TRAPPC9: variants seen among roughly 807,000 people sequenced by gnomAD.
TRAPPC9 encodes trafficking protein particle complex subunit 9, also known as IKK2 binding protein.
In TRAPPC9, 83 loss-of-function variants were observed where a neutral mutation model predicts 124.0. The ratio of observed to expected loss-of-function variants is 0.67; its 90% CI spans 0.56 to 0.80. The LOEUF (loss-of-function observed/expected upper bound fraction) is 0.80, where lower values mean the gene tolerates loss of function less well. Ranked by LOEUF, TRAPPC9 falls within the 30% of genes least tolerant of loss-of-function variation. The probability of loss-of-function intolerance (pLI) is 0.00; values close to 1 mark genes in which losing one functional copy is unlikely to be tolerated. For synonymous variants in TRAPPC9, 638 were observed against 617.5 expected (o/e 1.03, Z -0.49); for missense variants, 1,302 against 1,508.3 (o/e 0.86, Z 2.27).
intron 19 of TRAPPC9, among the ~76,000 whole-genome samples, chr8:139,974,750 C>A (rs2665951): frequency 0.77 from 117,321 of 151,804 alleles, 46,313 homozygotes; most frequent in East Asian, 0.92. Flanking sequence ...TCAGCTCCTA[C>A]AGGGCTCCAT....
intron 21 of TRAPPC9, among the ~76,000 whole-genome samples, chr8:139,829,231 C>T (rs542293391): frequency 1.7e-4 from 26 of 152,364 alleles, no homozygotes; most frequent in African/African-American, 5.5e-4. Flanking sequence ...GCTCTCTCTT[C>T]GCTCTACGAA....
chr8:140,302,679 A>ACT (rs1356263743), intron 10 of TRAPPC9: 1 of 152,072 alleles, frequency 6.6e-6, no homozygotes, highest in Non-Finnish European at 1.5e-5. Context: ...GTCAACAACC[A>ACT]CTCACCTTTT....
At chr8:139,949,197 C>A (rs1477847822) in intron 19 of TRAPPC9, among the ~76,000 whole-genome samples, 1 of 152,094 alleles carries the variant, frequency 6.6e-6, no homozygotes. Context: ...AACCTGATTT[C>A]ATTACAGGTA....
At chr8:139,838,131 C>T (rs1826478874) in intron 21 of TRAPPC9, among the ~76,000 whole-genome samples, 1 of 152,168 alleles carries the variant, frequency 6.6e-6, no homozygotes, top group Non-Finnish European at 1.5e-5. Flanking sequence ...AGCCACAGCC[C>T]CAAACCCCTG....
chr8:140,328,746 G>A (rs2066808866), intron 9 of TRAPPC9, among the ~76,000 whole-genome samples: 1 of 152,016 alleles, frequency 6.6e-6, no homozygotes, highest in African/African-American at 2.4e-5. Flanking sequence ...TTTAAAAAAA[G>A]GTCCTGGAGC....
intron 17 of TRAPPC9, among the ~76,000 whole-genome samples, chr8:140,220,881 G>C (rs1452445907): frequency 6.6e-6 from 1 of 152,110 alleles, no homozygotes; most frequent in Non-Finnish European, 1.5e-5. Flanking sequence ...TGCTCTACAC[G>C]CTGTCCCTGG....
intron 9 of TRAPPC9, among the ~76,000 whole-genome samples, chr8:140,335,724 T>TTTG (rs4058247): frequency 1.2e-4 from 18 of 149,468 alleles, no homozygotes; most frequent in African/African-American, 4.5e-4. Flanking sequence ...TTTTTTTTTT[T>TTTG]GAGACAGGGT....
At chr8:140,322,457 T>C (rs2066620417) in intron 9 of TRAPPC9, among the ~76,000 whole-genome samples, 1 of 152,096 alleles carries the variant, frequency 6.6e-6, no homozygotes, top group South Asian at 2.1e-4. Flanking sequence ...AGTAGTACAA[T>C]ATTTGAAGGG....
intron 17 of TRAPPC9, among the ~76,000 whole-genome samples, chr8:140,151,903 T>C (rs1300974167): frequency 6.6e-6 from 1 of 152,174 alleles, no homozygotes; most frequent in Non-Finnish European, 1.5e-5. Context: ...GTCAACTGCC[T>C]GCTCAGCACC....
chr8:140,049,461 A>G (rs889393159), intron 17 of TRAPPC9, among the ~76,000 whole-genome samples: 1 of 152,054 alleles, frequency 6.6e-6, no homozygotes, highest in Non-Finnish European at 1.5e-5. Context: ...CGGAAGGCAC[A>G]CTGTGGACAC....
intron 17 of TRAPPC9, among the ~76,000 whole-genome samples, chr8:140,217,240 G>A (rs4487735): frequency 0.72 from 109,256 of 152,116 alleles, 39,491 homozygotes; most frequent in Admixed American, 0.76. Context: ...GTCCACTGCA[G>A]AATGGATGGA....
At chr8:140,022,621 G>T (rs1839889947) in intron 18 of TRAPPC9, among the ~76,000 whole-genome samples, 1 of 152,220 alleles carries the variant, frequency 6.6e-6, no homozygotes, top group Admixed American at 6.5e-5. Context: ...GAGATGAGGG[G>T]ATGAGAGAGA....
chr8:140,026,251 C>T (rs770355018), intron 17 of TRAPPC9, among the ~76,000 whole-genome samples: 9 of 152,188 alleles, frequency 5.9e-5, no homozygotes, highest in East Asian at 1.9e-4. Context: ...CGTCTGTCAG[C>T]GGGCACTTGG....
At chr8:140,154,901 C>T (rs755105018) in intron 17 of TRAPPC9, among the ~76,000 whole-genome samples, 7 of 152,178 alleles carry the variant, frequency 4.6e-5, no homozygotes, top group Non-Finnish European at 8.8e-5. Flanking sequence ...CTGTAACTCT[C>T]GAGTAGGAAT....
At chr8:139,858,152 G>C (rs1012315903) in intron 21 of TRAPPC9, among the ~76,000 whole-genome samples, 1 of 152,210 alleles carries the variant, frequency 6.6e-6, no homozygotes, top group African/African-American at 2.4e-5. Flanking sequence ...AAGTTTATTA[G>C]GGGTCATACA....
intron 5 of TRAPPC9, among the ~76,000 whole-genome samples, chr8:140,418,933 C>G (rs1224848453): frequency 6.6e-6 from 1 of 152,214 alleles, no homozygotes; most frequent in Non-Finnish European, 1.5e-5. Flanking sequence ...GACAAAACCA[C>G]ATGATCATCT....
chr8:140,228,149 C>T (rs929152873), intron 16 of TRAPPC9, among the ~76,000 whole-genome samples: 1 of 152,196 alleles, frequency 6.6e-6, no homozygotes, highest in Non-Finnish European at 1.5e-5. Flanking sequence ...AAAAGAGACA[C>T]TAATGCATAA....
chr8:139,911,727 C>CTT (rs61563614), intron 19 of TRAPPC9, among the ~76,000 whole-genome samples: 325 of 147,532 alleles, frequency 2.2e-3, no homozygotes, highest in African/African-American at 3.9e-3. Flanking sequence ...AAAAGTAGGC[C>CTT]TTTTTTTTTT....
intron 15 of TRAPPC9, among the ~76,000 whole-genome samples, chr8:140,265,183 C>T (rs140604096): frequency 1.1e-4 from 16 of 152,320 alleles, no homozygotes; most frequent in Non-Finnish European, 2.4e-4. Flanking sequence ...AGAGATTCGA[C>T]GCTGCCACCC....
Sources: gnomAD v4.1 joint callset for allele counts (sites outside exome capture counted in the v4.1 genomes callset) on GRCh38, gnomAD v4.1.1 for gene constraint, MANE v1.5 for transcripts, NCBI Gene and HGNC (gene_info 2026-07-23, HGNC 2026-07-21) for gene names.